The following TMEM71 variants were observed in gnomAD, a reference collection of about 807,000 sequenced individuals.
TMEM71 encodes the protein transmembrane protein 71.
In TMEM71, 44 loss-of-function variants were observed where a neutral mutation model predicts 38.0. The ratio of observed to expected loss-of-function variants is 1.16; its 90% CI spans 0.91 to 1.49. The LOEUF (loss-of-function observed/expected upper bound fraction) is 1.49, where lower values mean the gene tolerates loss of function less well. TMEM71 is among the 40% of genes most tolerant of loss of function. The pLI is 0.00. For synonymous variants in TMEM71, 133 were observed against 122.5 expected (o/e 1.09, Z -0.56); for missense variants, 367 against 348.6 (o/e 1.05, Z -0.42).
At chr8:132,745,121 T>C (rs1330184073) in intron 5 of TMEM71, among the ~76,000 whole-genome samples, 2 of 152,036 alleles carry the variant, frequency 1.3e-5, no homozygotes, top group African/African-American at 2.4e-5. Flanking sequence ...CCTTGGAAAA[T>C]AATTTATGAA....
intron 3 of TMEM71, among the ~76,000 whole-genome samples, chr8:132,754,911 GTTC>G (rs1828919409): frequency 6.6e-6 from 1 of 152,106 alleles, no homozygotes; most frequent in Non-Finnish European, 1.5e-5. Context: ...GCACATTTTG[GTTC>G]TTCTTACCCC....
rs1029081505 is a variant in TMEM71, at chr8:132,710,693, C to T, written c.*274G>A. 1.6e-5 allele frequency: 9 copies of T among 546,298 alleles called. No homozygotes were observed. Among genetic ancestry groups the T allele is most frequent in the Middle Eastern group, 4.7e-4 (1 of 2,138 alleles). 33.8% of individuals were successfully genotyped at this position (546,298 alleles called of 1,614,324 possible). A position where few individuals can be genotyped will look rare whatever the true frequency, so the allele number is the denominator to read the frequency against. On this transcript the variant is annotated 3_prime_UTR_variant, in exon 10 of 10. Transcript: ENST00000677595. ...ATCATAGGGGGACATTTATTCCAGG[C>T]GGTCTCTTTTCCATCACATTCCCCG... is the stretch of plus-strand genomic sequence containing the variant.
Position 132,714,019 on chromosome 8 carries a change from T to C in TMEM71, c.848A>G (p.Tyr283Cys). The C allele has an allele frequency of 1.2e-6, 2 of 1,614,000 alleles. No homozygotes were observed. The highest frequency in any genetic ancestry group is 1.7e-6 in the Non-Finnish European group (2 of 1,179,920). The change falls in exon 9 of 10, where the codon TAT (tyrosine) becomes TGT (cysteine). Residue 283 changes from tyrosine (Y) to cysteine (C), a missense_variant. Tyr to Cys is a radical substitution (Grantham distance 194, BLOSUM62 -2). Coordinates refer to ENST00000677595, the MANE Select transcript of TMEM71 (RefSeq NM_001382403.1). Reference protein sequence around the residue: ...VKSLFLSLASYFKTTACARFV... With the variant: ...VKSLFLSLASCFKTTACARFV... ...CCGAGCACAGGCAGTGGTTTTGAAATAGCTGGCAAGGCTGAGAAACAATGA... is the reference window on the plus strand; with the variant it reads ...CCGAGCACAGGCAGTGGTTTTGAAACAGCTGGCAAGGCTGAGAAACAATGA...
chr8:132,745,766 C>A (rs751699352), intron 5 of TMEM71, among the ~76,000 whole-genome samples: 1 of 151,814 alleles, frequency 6.6e-6, no homozygotes, highest in African/African-American at 2.4e-5. Flanking sequence ...AAAGAATCAA[C>A]CTAGGTTTCC....
At chr8:132,729,915 A>G (rs1362829925) in intron 5 of TMEM71, among the ~76,000 whole-genome samples, 2 of 152,130 alleles carry the variant, frequency 1.3e-5, no homozygotes, top group African/African-American at 4.8e-5. Flanking sequence ...GTGGGAGGAA[A>G]ATGTCTCCGC....
At chr8:132,731,316 G>C (rs1191656481) in intron 5 of TMEM71, among the ~76,000 whole-genome samples, 1 of 152,116 alleles carries the variant, frequency 6.6e-6, no homozygotes. Flanking sequence ...TGGTAGAAGG[G>C]TGCTGATGAG....
In TMEM71 at chr8:132,727,929, G is replaced by A; in HGVS notation, c.545C>T (p.Ala182Val). 6.2e-7 allele frequency: 1 copy of A among 1,613,998 alleles called. No homozygotes were observed. Among genetic ancestry groups the A allele is most frequent in the Non-Finnish European group, 8.5e-7 (1 of 1,180,002 alleles). Residue 182 changes from alanine (A) to valine (V), a missense_variant, in exon 6 of 10, where the codon GCA (alanine) becomes GTA (valine). Ala to Val is a moderately conservative substitution (Grantham distance 64, BLOSUM62 0). Coordinates refer to ENST00000677595, the MANE Select transcript of TMEM71 (RefSeq NM_001382403.1). ...GGAAGAGGAGGTGATCACAGACTCT[G>A]CATTCATCTTCCCTGACTCCCAGTC... ...TDDWESGKMN[A>V]ESVITSSSSH...
At chr8:132,707,463 GGGGATTAGGTCATGA>G (rs1464166781), downstream of TMEM71, among the ~76,000 whole-genome samples, 1 of 152,136 alleles carries the variant, frequency 6.6e-6, no homozygotes, top group Non-Finnish European at 1.5e-5. Flanking sequence ...ACCTTAAAGA[GGGGATTAGGTCATGA>G]GGGCTCAGCC....
intron 4 of TMEM71, among the ~76,000 whole-genome samples, chr8:132,748,669 C>T (rs928422636): frequency 6.6e-6 from 1 of 152,130 alleles, no homozygotes; most frequent in African/African-American, 2.4e-5. Flanking sequence ...AATTTTTATT[C>T]ATTTATTATC....
At chr8:132,766,701 G>A in the TMEM71 span, among the ~76,000 whole-genome samples, 1 of 151,398 alleles carries the variant, frequency 6.6e-6, no homozygotes, top group African/African-American at 2.4e-5. Context: ...TGAGGCAGTA[G>A]GATCATTTGA....
chr8:132,721,875 T>A (rs2131034771), intron 7 of TMEM71, among the ~76,000 whole-genome samples, 165 bp downstream of exon 7: 1 of 152,186 alleles, frequency 6.6e-6, no homozygotes, highest in East Asian at 1.9e-4. Context: ...AGGATAGAGG[T>A]GGGCAATGAG....
chr8:132,768,179 T>C, the TMEM71 span, among the ~76,000 whole-genome samples: 3 of 152,198 alleles, frequency 2.0e-5, no homozygotes, highest in Non-Finnish European at 2.9e-5. Flanking sequence ...CAGGTAGTGA[T>C]AGAGAATGAG....
At chr8:132,761,410 C>T (rs550777479), upstream of TMEM71, among the ~76,000 whole-genome samples, 36 of 152,264 alleles carry the variant, frequency 2.4e-4, no homozygotes, top group South Asian at 2.1e-4. Context: ...GAGAAATAAT[C>T]GAGTCCTCAG....
At chr8:132,734,311 T>C (rs553047798) in intron 5 of TMEM71, among the ~76,000 whole-genome samples, 2 of 152,120 alleles carry the variant, frequency 1.3e-5, no homozygotes, top group East Asian at 1.9e-4. Context: ...ACATGAAATA[T>C]GTGCAGTTCT....
intron 6 of TMEM71, among the ~76,000 whole-genome samples, chr8:132,725,801 C>T (rs1340917712): frequency 6.6e-6 from 1 of 152,132 alleles, no homozygotes; most frequent in Non-Finnish European, 1.5e-5. Flanking sequence ...GAGGTGGTCT[C>T]ATTTAATTTG....
chr8:132,721,552 C>CT (rs546825682), intron 7 of TMEM71, among the ~76,000 whole-genome samples: 312 of 134,030 alleles, frequency 2.3e-3, no homozygotes, highest in South Asian at 3.9e-3. Flanking sequence ...TTTTTTTTGT[C>CT]TTTTTTTTTT....
chr8:132,736,226 C>T (rs776179171), intron 5 of TMEM71, among the ~76,000 whole-genome samples: 1 of 152,174 alleles, frequency 6.6e-6, no homozygotes, highest in African/African-American at 2.4e-5. Flanking sequence ...CTACCCTACA[C>T]CTTAGAAAAC....
chr8:132,707,927 A>G (rs1453687867), downstream of TMEM71, among the ~76,000 whole-genome samples: 1 of 152,162 alleles, frequency 6.6e-6, no homozygotes, highest in South Asian at 2.1e-4. Flanking sequence ...TGTATTCTTC[A>G]CCGTCATACT....
At chr8:132,735,340 G>A (rs1363384880) in intron 5 of TMEM71, among the ~76,000 whole-genome samples, 1 of 152,210 alleles carries the variant, frequency 6.6e-6, no homozygotes, top group African/African-American at 2.4e-5. Context: ...GGGAAGTAAT[G>A]TTTGATTGCA....
Sources: allele counts gnomAD v4.1 joint callset (sites outside exome capture counted in the v4.1 genomes callset), GRCh38; gene constraint gnomAD v4.1.1; transcripts MANE v1.5; gene names NCBI Gene and HGNC (gene_info 2026-07-23, HGNC 2026-07-21).